Variants in MYH6 observed in about 807,000 individuals in gnomAD.
MYH6 encodes the protein myosin-6.
A neutral mutation model predicts 223.2 loss-of-function variants in MYH6; 126 were observed. The observed-to-expected ratio is 0.56, with a 90% CI of 0.49 to 0.65. MYH6 has a LOEUF of 0.65. Ranked by LOEUF, MYH6 falls within the 30% of genes least tolerant of loss-of-function variation. MYH6 has a pLI of 0.00. For synonymous variants in MYH6, 978 were observed against 1,010.2 expected (o/e 0.97, Z 0.61); for missense variants, 2,040 against 2,536.4 (o/e 0.80, Z 4.20).
In MYH6 at chr14:23,394,219, G is replaced by A; in HGVS notation, c.2534C>T (p.Ala845Val). Residue 845 changes from alanine to valine, a missense_variant, in exon 21 of 39, where the codon GCA becomes GTA. Ala to Val is a moderately conservative substitution (Grantham distance 64). This residue lies in a region of MYH6 where 649 missense variants were observed against 877.3 expected (regional missense o/e 0.74). Coordinates refer to ENST00000405093, the MANE Select transcript of MYH6 (RefSeq NM_002471.4). Reference protein sequence around the residue: ...YFKIKPLLKSAETEKEMATMK... With the variant: ...YFKIKPLLKSVETEKEMATMK... Reference sequence around the variant, plus strand: ...GGTGGCCATCTCCTTCTCCGTCTCTGCGCTCTTCAGCAGCGGCTTGATCTT... The same window carrying A: ...GGTGGCCATCTCCTTCTCCGTCTCTACGCTCTTCAGCAGCGGCTTGATCTT... The A allele has an allele frequency of 1.2e-6, 2 of 1,614,202 alleles. No homozygotes were observed. The highest frequency in any genetic ancestry group is 1.7e-6 in the Non-Finnish European group (2 of 1,180,046).
chr14:23,386,093 G>C lies in MYH6; in HGVS notation c.4998C>G (p.Asn1666Lys). Residue 1666 changes from asparagine (N) to lysine (K), a missense_variant, in exon 34 of 39, where the codon AAC becomes AAG. Asn to Lys is a moderately conservative substitution (Grantham distance 94). Around this residue, in one of 4 missense-constraint regions of MYH6, gnomAD observed 1,203 missense variants for 1,400.2 expected, o/e 0.86. Coordinates refer to ENST00000405093, the MANE Select transcript of MYH6 (RefSeq NM_002471.4). ...QIQLDDAVRA[N>K]DDLKENIAIV... is the part of the protein sequence containing the mutation. ...TGGCGATGTTCTCCTTCAGGTCGTC[G>C]TTGGCACGGACCGCATCGTCCAGCT... The C allele has an allele frequency of 3.1e-6, 5 of 1,614,216 alleles. No homozygotes were observed. The highest frequency in any genetic ancestry group is 4.2e-6 in the Non-Finnish European group (5 of 1,180,018).
At chr14:23,393,272 A>G (rs1298463669) in intron 23 of MYH6, 70 bp downstream of exon 23, 1 of 1,596,440 alleles carries the variant, frequency 6.3e-7, no homozygotes, top group Non-Finnish European at 8.6e-7. Flanking sequence ...AGGGATCAGG[A>G]CTTTCTGGGC....
chr14:23,387,404 T>C (rs994970656), intron 32 of MYH6, 125 bp downstream of exon 32: 69 of 1,475,292 alleles, frequency 4.7e-5, no homozygotes, highest in Non-Finnish European at 6.3e-5. Flanking sequence ...AGTGGGTAGA[T>C]AATGTTGAAC....
At position 23,400,170 on chromosome 14, in the gene MYH6, T is replaced by C. The variant is rs755329933; in HGVS notation, c.1581+86A>G. On this transcript the variant is annotated intron_variant, in intron 14 of 38. Transcript: ENST00000405093. The stretch of plus-strand genomic sequence containing the variant: ...GAAAGGCCTGGGATTCTTGGGACTC[T>C]AGTTTCTTGGGTGTAGAAGGGACTC... The C allele has an allele frequency of 9.4e-6, 15 of 1,600,496 alleles. No homozygotes were observed. The South Asian group carries it at 1.7e-4, about 18-fold the overall frequency.
chr14:23,393,816 C>G lies in MYH6; in HGVS notation c.2778G>C (p.Glu926Asp). ...QLEAKVKEMN[E>D]RLEDEEEMNA... ...TCATCTCCTCCTCATCCTCCAGCCT[C>G]TCATTCATCTCCTTTACTTTGGCCT... Residue 926 changes from glutamate (E) to aspartate (D), a missense_variant, in exon 22 of 39, where the codon GAG (glutamate) becomes GAC (aspartate). Around this residue, in one of 4 missense-constraint regions of MYH6, gnomAD observed 1,203 missense variants for 1,400.2 expected, o/e 0.86. Transcript: ENST00000405093. 1.2e-6 allele frequency: 2 copies of G among 1,614,242 alleles called. No individual in the cohort carries two copies. The highest frequency in any genetic ancestry group is 1.1e-5 in the South Asian group (1 of 91,076).
At chr14:23,396,186 T>C in intron 20 of MYH6, 98 bp downstream of exon 20, 1 of 1,517,652 alleles carries the variant, frequency 6.6e-7, no homozygotes, top group South Asian at 1.1e-5. Context: ...CCAGGCCAGC[T>C]GGTAGGTCTG....
At chr14:23,384,371 T>C in intron 36 of MYH6, 71 bp downstream of exon 36, 1 of 1,598,274 alleles carries the variant, frequency 6.3e-7, no homozygotes, top group East Asian at 2.2e-5. Context: ...AGAGGAGCCC[T>C]GTGAGGGCGG....
chr14:23,392,547 G>A lies in MYH6; in HGVS notation c.3342+15C>T. ...TATTGAGCTCCCACTTTCATGCACT[G>A]GGAAAAAAAGTCACCTGGTTTTCCT... On this transcript the variant is annotated intron_variant, in intron 25 of 38. Coordinates refer to ENST00000405093, the MANE Select transcript of MYH6 (RefSeq NM_002471.4). 6.3e-7 allele frequency: 1 copy of A among 1,591,704 alleles called. No homozygotes were observed. The highest frequency in any genetic ancestry group is 1.7e-5 in the Admixed American group (1 of 59,930).
In MYH6 at chr14:23,396,766, G is replaced by A. The variant is rs1289679999; in HGVS notation, c.2220C>T (p.Ser740=). Reference sequence around the variant, plus strand: ...TGAGCAGCTTCTCTGTCCCCTTCCTGCTATCAATGAACTGTCCCTCAGGGA... The same window carrying A: ...TGAGCAGCTTCTCTGTCCCCTTCCTACTATCAATGAACTGTCCCTCAGGGA... ...VAIPEGQFID[S]RKGTEKLLSS... is the part of the protein sequence containing the mutation. Residue 740 remains serine (S), a synonymous_variant, in exon 19 of 39, where the codon AGC becomes AGT. Transcript: ENST00000405093. 1.2e-6 allele frequency: 2 copies of A among 1,613,992 alleles called. No homozygotes were observed. Among genetic ancestry groups the A allele is most frequent in the East Asian group, 2.2e-5 (1 of 44,876 alleles).
In MYH6 at chr14:23,394,049, G is replaced by T; in HGVS notation, c.2685+19C>A. The T allele has an allele frequency of 1.9e-6, 3 of 1,614,046 alleles. No homozygotes were observed. Among genetic ancestry groups the T allele is most frequent in the Non-Finnish European group, 1.7e-6 (2 of 1,180,030 alleles). ...GGGGAGGGGAGGAGAGGGCTGAAGA[G>T]ATAATCACGTGGCCTCACCGCCTGC... On this transcript the variant is annotated intron_variant, in intron 21 of 38. Transcript: ENST00000405093.
At position 23,398,762 on chromosome 14, in the gene MYH6, G is replaced by A; in HGVS notation, c.1857C>T (p.Ala619=). The change falls in exon 15 of 39, where the codon GCC becomes GCT. Residue 619 remains alanine, a synonymous_variant. Transcript: ENST00000405093. ...LYQKSSLKLM[A]TLFSSYATAD... ...CAGTTGCGTAGGAGGAGAAGAGAGT[G>A]GCCATGAGCTTGAGGGAGGACTTCT... 1 of 1,614,176 alleles carries A rather than the reference G, an allele frequency of 6.2e-7. No individual in the cohort carries two copies. The highest frequency in any genetic ancestry group is 1.3e-5 in the African/African-American group (1 of 75,030).
At position 23,408,139 on chromosome 14, in the gene MYH6, A is replaced by G. The variant is rs1409212321; in HGVS notation, c.-47+114T>C. On this transcript the variant is annotated intron_variant, in intron 1 of 38. Coordinates refer to ENST00000405093, the MANE Select transcript of MYH6 (RefSeq NM_002471.4). ...CTGGGCCTGGAGATAGGCAGTTTTA[A>G]TAGAGCCCTTAGGCCTCCAACTGAC... The G allele has an allele frequency of 5.5e-6, 4 of 729,828 alleles. No homozygotes were observed. The East Asian group carries it at 3.9e-4, about 72-fold the overall frequency. The allele number at this position is 729,828 out of a possible 1,614,324, so 45.2% of individuals were successfully genotyped here.
In MYH6 at chr14:23,403,451, G is replaced by A. The variant is rs727505228; in HGVS notation, c.800-5C>T. The A allele has an allele frequency of 3.3e-5, 54 of 1,612,386 alleles. No individual in the cohort carries two copies. In the East Asian group the frequency reaches 6.2e-4, roughly 19 times the overall value. On this transcript the variant is annotated splice_polypyrimidine_tract_variant and splice_region_variant and intron_variant, in intron 9 of 38. Transcript: ENST00000405093. ...CCCGGGACTTCTCCAGCAGGTCTGA[G>A]GTGGGTGGAGGGGAGGAAGGCAGGT... is the stretch of plus-strand genomic sequence containing the variant.
chr14:23,397,952 C>CTTCTTCTTT (rs1891464313), intron 15 of MYH6, among the ~76,000 whole-genome samples: 8 of 91,170 alleles, frequency 8.8e-5, no homozygotes, highest in Non-Finnish European at 4.4e-5. Context: ...TCTTCTTCTT[C>CTTCTTCTTT]TTCTTCTTCT....
intron 20 of MYH6, among the ~76,000 whole-genome samples, chr14:23,394,758 C>T (rs1891344137): frequency 6.6e-6 from 1 of 152,202 alleles, no homozygotes; most frequent in African/African-American, 2.4e-5. Context: ...TTCCTTCCTA[C>T]ACCCCTGTCA....
Position 23,398,866 on chromosome 14 carries a change from C to T in MYH6, c.1753G>A (p.Gly585Ser), listed in dbSNP as rs150415679. The change falls in exon 15 of 39, where the codon GGC becomes AGC. Residue 585 changes from glycine to serine, a missense_variant. By Grantham distance (56) the Gly-to-Ser change is moderately conservative (BLOSUM62 0). Transcript: ENST00000405093. Reference sequence around the variant, plus strand: ...CCCAGGATGTTGTAGTCCACAGTGCCGGCGTAGTGGATCAGGGAGAAGTGG... The same window carrying T: ...CCCAGGATGTTGTAGTCCACAGTGCTGGCGTAGTGGATCAGGGAGAAGTGG... The part of the protein sequence containing the change: ...EAHFSLIHYA[G>S]TVDYNILGWL... 1.3e-4 allele frequency: 202 copies of T among 1,614,014 alleles called. No homozygotes were observed. The highest frequency in any genetic ancestry group is 8.2e-4 in the Middle Eastern group (5 of 6,084).
rs1171073800 is a variant in MYH6, at chr14:23,397,052, G to A, written c.2079C>T (p.His693=). The A allele has an allele frequency of 6.2e-7, 1 of 1,614,192 alleles. No homozygotes were observed. Among genetic ancestry groups the A allele is most frequent in the Non-Finnish European group, 8.5e-7 (1 of 1,180,038 alleles). ...PGVMDNPLVM[H]QLRCNGVLEG... ...CCAGCACGCCATTGCAGCGCAGCTG[G>A]TGCATGACCAGGGGGTTGTCCATCA... Residue 693 remains histidine, a synonymous_variant, in exon 18 of 39, where the codon CAC becomes CAT. Coordinates refer to ENST00000405093, the MANE Select transcript of MYH6 (RefSeq NM_002471.4).
intron 34 of MYH6, 66 bp from the exon 35 acceptor site, chr14:23,385,107 T>C: frequency 1.9e-6 from 3 of 1,605,622 alleles, no homozygotes; most frequent in Non-Finnish European, 1.7e-6. Context: ...TCATACCCTT[T>C]CTCCAGAAAG....
At chr14:23,388,809 C>T (rs1891127117) in intron 29 of MYH6, 50 bp downstream of exon 29, 1 of 1,613,928 alleles carries the variant, frequency 6.2e-7, no homozygotes, top group South Asian at 1.1e-5. Context: ...CCCAGGTCCT[C>T]TCGCCCCTTC....
Sources: gnomAD v4.1 joint callset for allele counts (sites outside exome capture counted in the v4.1 genomes callset) on GRCh38, gnomAD v4.1.1 for gene constraint, gnomAD v4.1.1 regional missense constraint, MANE v1.5 for transcripts, NCBI Gene and HGNC (gene_info 2026-07-23, HGNC 2026-07-21) for gene names.